The following PCDH15 variants were observed in gnomAD, a reference collection of about 807,000 sequenced individuals.
PCDH15 encodes protocadherin related 15.
PCDH15 carries 129 observed loss-of-function variants against 178.5 expected under a neutral mutation model. That is an observed-to-expected ratio of 0.72 (90% CI 0.63 to 0.84). The LOEUF (loss-of-function observed/expected upper bound fraction) is 0.84. Ranked by LOEUF, PCDH15 falls within the 40% of genes least tolerant of loss-of-function variation. The pLI is 0.00. For missense variants in PCDH15, 2,230 were observed against 2,099.9 expected (o/e 1.06, Z -1.21); for synonymous variants, 800 against 732.0 (o/e 1.09, Z -1.50).
At chr10:53,866,594 T>C in intron 27 of PCDH15, 48 bp downstream of exon 27, 13 of 1,377,372 alleles carry the variant, frequency 9.4e-6, no homozygotes, top group Non-Finnish European at 1.3e-5. Flanking sequence ...CACTGACCTA[T>C]GGCTAGTATC....
chr10:55,412,445 G>A (rs116556995), intron 2 of PCDH15, among the ~76,000 whole-genome samples: 1 of 151,942 alleles, frequency 6.6e-6, no homozygotes, highest in Admixed American at 6.6e-5. Flanking sequence ...ATGTGCAATA[G>A]AGTAGAGTGG....
In PCDH15 at chr10:55,080,210, G is replaced by A. The variant is rs145088204; in HGVS notation, c.-80+86366C>T. On this transcript the variant is annotated intron_variant, in intron 2 of 5. Coordinates refer to the PCDH15 transcript ENST00000458638. ...TTCCCAACTCCTTGGCTGTGAACCA[G>A]TATGGGTCCACATAACAGGAGGTGA... 4.8e-3 allele frequency among the ~76,000 whole-genome samples: 737 copies of A among 152,216 alleles called. 1 individual carries two copies. Among genetic ancestry groups the A allele is most frequent in the Middle Eastern group, 0.02 (6 of 294 alleles).
intron 1 of PCDH15, among the ~76,000 whole-genome samples, chr10:55,205,733 C>A (rs1405546930): frequency 1.3e-5 from 2 of 151,836 alleles, no homozygotes; most frequent in African/African-American, 4.8e-5. Flanking sequence ...AAGCATATTG[C>A]ATGTATTTTG....
At chr10:55,410,226 T>C (rs1362192864) in intron 2 of PCDH15, among the ~76,000 whole-genome samples, 1 of 152,126 alleles carries the variant, frequency 6.6e-6, no homozygotes, top group East Asian at 1.9e-4. Context: ...CTTTTAGAAA[T>C]ATAATGTGAA....
chr10:55,215,128 A>G (rs1840671009), intron 1 of PCDH15, among the ~76,000 whole-genome samples: 1 of 152,138 alleles, frequency 6.6e-6, no homozygotes, highest in Non-Finnish European at 1.5e-5. Flanking sequence ...GCTCAAATCC[A>G]TGATCTTAGA....
chr10:55,176,492 C>CT (rs932085433), intron 1 of PCDH15, among the ~76,000 whole-genome samples: 8 of 152,194 alleles, frequency 5.3e-5, no homozygotes, highest in Non-Finnish European at 1.2e-4. Context: ...AAGATCCAAC[C>CT]TTTTTTCCTA....
chr10:54,916,884 G>A (rs944878813), intron 2 of PCDH15, among the ~76,000 whole-genome samples: 1 of 152,132 alleles, frequency 6.6e-6, no homozygotes, highest in Non-Finnish European at 1.5e-5. Flanking sequence ...CAAGTGATGA[G>A]AATGGTAGAT....
chr10:53,843,335 T>A (rs1589051620), intron 28 of PCDH15, among the ~76,000 whole-genome samples: 1 of 152,174 alleles, frequency 6.6e-6, no homozygotes, highest in Middle Eastern at 3.4e-3. Flanking sequence ...ATTTATCATC[T>A]ATATCTATAT....
chr10:54,421,605 C>A (rs1312785594), intron 3 of PCDH15, among the ~76,000 whole-genome samples: 2 of 141,990 alleles, frequency 1.4e-5, no homozygotes, highest in Non-Finnish European at 3.0e-5. Flanking sequence ...AATTTTTGAC[C>A]TGTGAAACTT....
intron 2 of PCDH15, among the ~76,000 whole-genome samples, chr10:55,375,503 A>G (rs1837372151): frequency 6.6e-6 from 1 of 152,134 alleles, no homozygotes; most frequent in Admixed American, 6.6e-5. Context: ...CTGTATCAGA[A>G]TATTAATTGC....
intron 2 of PCDH15, among the ~76,000 whole-genome samples, chr10:55,004,929 T>C (rs1839888024): frequency 6.6e-6 from 1 of 152,060 alleles, no homozygotes. Flanking sequence ...TACATCAGAA[T>C]GGGTAGTAAA....
At chr10:55,329,538 A>G (rs1844137088) in intron 2 of PCDH15, among the ~76,000 whole-genome samples, 1 of 151,698 alleles carries the variant, frequency 6.6e-6, no homozygotes, top group South Asian at 2.1e-4. Flanking sequence ...GTGTTTAGGG[A>G]AATGAGGAGA....
intron 8 of PCDH15, among the ~76,000 whole-genome samples, chr10:54,264,069 G>C (rs55996843): frequency 0.15 from 22,402 of 152,110 alleles, 2,192 homozygotes; most frequent in South Asian, 0.23. Flanking sequence ...TTCAGTCACA[G>C]ACTGAAGGCT....
chr10:53,952,508 T>C (rs1306975854), intron 23 of PCDH15, among the ~76,000 whole-genome samples: 4 of 152,218 alleles, frequency 2.6e-5, no homozygotes, highest in Non-Finnish European at 5.9e-5. Context: ...GAGAAAGTGA[T>C]ATTGCTGATT....
intron 2 of PCDH15, among the ~76,000 whole-genome samples, chr10:55,087,620 G>C (rs769311251): frequency 1.1e-4 from 17 of 152,138 alleles, no homozygotes; most frequent in Admixed American, 1.3e-4. Flanking sequence ...GCTAAGACCA[G>C]AGAACAGTTA....
intron 2 of PCDH15, among the ~76,000 whole-genome samples, chr10:55,335,935 G>A (rs118189127): frequency 0.04 from 6,153 of 151,978 alleles, 168 homozygotes; most frequent in Non-Finnish European, 0.061. Context: ...TGACCTTGGG[G>A]TGGTACCCAT....
At chr10:55,463,165 A>T (rs1328559301) in intron 2 of PCDH15, among the ~76,000 whole-genome samples, 1 of 152,028 alleles carries the variant, frequency 6.6e-6, no homozygotes, top group African/African-American at 2.4e-5. Context: ...GATCTGAAGT[A>T]TGATTTAATA....
At chr10:54,988,335 A>G (rs1379285510) in intron 2 of PCDH15, among the ~76,000 whole-genome samples, 2 of 152,178 alleles carry the variant, frequency 1.3e-5, no homozygotes, top group Non-Finnish European at 2.9e-5. Flanking sequence ...GGCTGCTGCT[A>G]TAGATACCCC....
chr10:54,553,312 C>T (rs2086817758), intron 2 of PCDH15, among the ~76,000 whole-genome samples: 1 of 152,140 alleles, frequency 6.6e-6, no homozygotes, highest in Non-Finnish European at 1.5e-5. Flanking sequence ...ACTGGGGAAG[C>T]CTTGAGAGAC....
Sources: allele counts gnomAD v4.1 joint callset (sites outside exome capture counted in the v4.1 genomes callset), GRCh38; gene constraint gnomAD v4.1.1; transcripts MANE v1.5; gene names NCBI Gene and HGNC (gene_info 2026-07-23, HGNC 2026-07-21).